CNTNAP5: variants seen among roughly 807,000 people sequenced by gnomAD.
CNTNAP5 encodes contactin associated protein family member 5, also known as contactin-associated protein-like 5.
CNTNAP5 carries 72 observed loss-of-function variants against 150.2 expected under a neutral mutation model. The observed-to-expected ratio is 0.48, with a 90% CI of 0.40 to 0.58. The LOEUF is 0.58. CNTNAP5 is among the 20% of genes least tolerant of loss of function. CNTNAP5 has a pLI of 0.00. For synonymous variants in CNTNAP5, 672 were observed against 619.8 expected (o/e 1.08, Z -1.25); for missense variants, 1,636 against 1,626.2 (o/e 1.01, Z -0.10).
intron 10 of CNTNAP5, among the ~76,000 whole-genome samples, chr2:124,534,266 A>G (rs924263087): frequency 2.0e-5 from 3 of 152,108 alleles, no homozygotes; most frequent in Non-Finnish European, 4.4e-5. Flanking sequence ...ATCTCGCGCA[A>G]TAAAAAATTT....
intron 14 of CNTNAP5, among the ~76,000 whole-genome samples, chr2:124,759,982 A>G (rs1680924923): frequency 7.2e-6 from 1 of 138,434 alleles, no homozygotes; most frequent in Non-Finnish European, 1.5e-5. Context: ...GGAAGCCTTG[A>G]GAAAGAAAGC....
rs556571236 is a variant in CNTNAP5, at chr2:124,057,448, A to ATTTTTTTTTTTTTTTTTTTT, written c.82+31720_82+31739dup. 2.6e-3 allele frequency among the ~76,000 whole-genome samples: 162 copies of ATTTTTTTTTTTTTTTTTTTT among 62,782 alleles called. 37 individuals are homozygous for ATTTTTTTTTTTTTTTTTTTT. Among genetic ancestry groups the ATTTTTTTTTTTTTTTTTTTT allele is most frequent in the African/African-American group, 0.011 (142 of 12,738 alleles). 41.2% of individuals were successfully genotyped at this position (62,782 alleles called of 152,430 possible). A position where few individuals can be genotyped will look rare whatever the true frequency, so the allele number is the denominator to read the frequency against. On this transcript the variant is annotated intron_variant, in intron 1 of 23. Coordinates refer to ENST00000682447, the MANE Select transcript of CNTNAP5 (RefSeq NM_001367498.1). ...AGGCACCCACCAGCACGGCCAGCTAATTTTTTTTTTTTTTTTTTTTTTTAG... is the reference window on the plus strand; with the variant it reads ...AGGCACCCACCAGCACGGCCAGCTAATTTTTTTTTTTTTTTTTTTTTTTTTTTTTTTTTTTTTTTTTTTAG...
intron 1 of CNTNAP5, among the ~76,000 whole-genome samples, chr2:124,179,412 G>A (rs1685155898): frequency 6.6e-6 from 1 of 152,040 alleles, no homozygotes. Context: ...TGCCCGCCTT[G>A]ACCTCTTAAA....
At chr2:124,717,940 G>A (rs947796266) in intron 13 of CNTNAP5, among the ~76,000 whole-genome samples, 2 of 152,042 alleles carry the variant, frequency 1.3e-5, no homozygotes, top group African/African-American at 2.4e-5. Context: ...TATGGGCAAG[G>A]ACACCTGAAG....
intron 1 of CNTNAP5, among the ~76,000 whole-genome samples, chr2:124,067,668 T>A (rs1682195212): frequency 6.6e-6 from 1 of 152,174 alleles, no homozygotes; most frequent in Non-Finnish European, 1.5e-5. Flanking sequence ...TTTCTGCCAA[T>A]AAGTAAGATA....
At chr2:124,893,968 G>C (rs1678253062) in intron 21 of CNTNAP5, among the ~76,000 whole-genome samples, 1 of 152,032 alleles carries the variant, frequency 6.6e-6, no homozygotes, top group African/African-American at 2.4e-5. Context: ...ATAGCAGTTA[G>C]ATATAACTCA....
At chr2:124,135,874 C>T (rs926082936) in intron 1 of CNTNAP5, among the ~76,000 whole-genome samples, 3 of 152,152 alleles carry the variant, frequency 2.0e-5, no homozygotes, top group African/African-American at 4.8e-5. Context: ...CCTTTCTGTC[C>T]TCCAAGCTAG....
rs1477390089 is a variant in CNTNAP5, at chr2:124,764,056, C to A, written c.2442C>A (p.Ala814=). 6.2e-7 allele frequency: 1 copy of A among 1,613,034 alleles called. No homozygotes were observed. Among genetic ancestry groups the A allele is most frequent in the Non-Finnish European group, 8.5e-7 (1 of 1,179,254 alleles). The change falls in exon 16 of 24, where the codon GCC becomes GCA. Residue 814 remains alanine, a synonymous_variant. Coordinates refer to ENST00000682447, the MANE Select transcript of CNTNAP5 (RefSeq NM_001367498.1). ...CTACCTTCCATGCGGAATTCAGTGC[C>A]GATATTTCCTTCTTTTTTAAAACCA... ...HFPTFHAEFS[A]DISFFFKTTA...
chr2:124,604,827 G>T (rs1025073567), intron 11 of CNTNAP5, among the ~76,000 whole-genome samples: 3 of 152,072 alleles, frequency 2.0e-5, no homozygotes, highest in African/African-American at 7.2e-5. Flanking sequence ...AACTAAGATG[G>T]TAAATCACCC....
chr2:124,746,488 C>A (rs1455520854), intron 13 of CNTNAP5, among the ~76,000 whole-genome samples: 2 of 152,148 alleles, frequency 1.3e-5, no homozygotes, highest in East Asian at 1.9e-4. Context: ...ATATTATCAG[C>A]TTTAACAGTG....
In CNTNAP5 at chr2:124,914,264, G is replaced by A. The variant is rs376202106; in HGVS notation, c.3900G>A (p.Glu1300=). 27 of 1,611,754 alleles carry A rather than the reference G, an allele frequency of 1.7e-5. No individual in the cohort carries two copies. In the African/African-American group the frequency reaches 3.1e-4, roughly 18 times the overall value. Residue 1300 remains glutamate, a synonymous_variant, in exon 24 of 24, where the codon GAG becomes GAA. Coordinates refer to ENST00000682447, the MANE Select transcript of CNTNAP5 (RefSeq NM_001367498.1). ...NEIDLQNTVS[E]CKREYFI is the part of the protein sequence containing the mutation. ...TTGACTTGCAAAACACAGTGAGCGA[G>A]TGTAAACGGGAATATTTCATCTGAG... is the stretch of plus-strand genomic sequence containing the variant.
chr2:124,264,007 A>G (rs1180838803), intron 3 of CNTNAP5, among the ~76,000 whole-genome samples: 4 of 152,064 alleles, frequency 2.6e-5, no homozygotes, highest in African/African-American at 9.7e-5. Context: ...ATTGGTCTAT[A>G]TCTCTGTTTT....
In CNTNAP5 at chr2:124,096,414, A is replaced by G. The variant is rs184895077; in HGVS notation, c.82+70682A>G. On this transcript the variant is annotated intron_variant, in intron 1 of 23. Coordinates refer to ENST00000682447, the MANE Select transcript of CNTNAP5 (RefSeq NM_001367498.1). ...TCACTCTCATGCAAAAATTTTCAAT[A>G]GCTCCTTCTTGCCAATTTAATCAAC... 2.0e-5 allele frequency among the ~76,000 whole-genome samples: 3 copies of G among 152,324 alleles called. No individual in the cohort carries two copies. In the East Asian group the frequency reaches 5.8e-4, roughly 29 times the overall value.
chr2:124,704,272 C>G (rs745689144), intron 13 of CNTNAP5, among the ~76,000 whole-genome samples: 248 of 152,186 alleles, frequency 1.6e-3, no homozygotes, highest in Non-Finnish European at 2.6e-3. Flanking sequence ...CCAGGGGGCC[C>G]GCAGAGGGGC....
intron 11 of CNTNAP5, 94 bp downstream of exon 11, chr2:124,563,417 G>A (rs889825820): frequency 4.1e-6 from 3 of 724,508 alleles, no homozygotes; most frequent in Non-Finnish European, 7.1e-6. Flanking sequence ...GGGCAGGCAT[G>A]TTTTATTCAC....
At chr2:124,752,211 AT>A (rs1161570701) in intron 14 of CNTNAP5, among the ~76,000 whole-genome samples, 2 of 152,012 alleles carry the variant, frequency 1.3e-5, no homozygotes, top group Admixed American at 1.3e-4. Context: ...GTGATTGATA[AT>A]TTTTTGTTTT....
At chr2:124,226,120 G>C (rs535362849) in intron 2 of CNTNAP5, among the ~76,000 whole-genome samples, 2 of 151,800 alleles carry the variant, frequency 1.3e-5, no homozygotes, top group South Asian at 4.2e-4. Flanking sequence ...ATTTCCTTCA[G>C]ATATATACAA....
intron 1 of CNTNAP5, among the ~76,000 whole-genome samples, chr2:124,128,274 A>G (rs1220961362): frequency 6.6e-6 from 1 of 152,214 alleles, no homozygotes; most frequent in Admixed American, 6.5e-5. Flanking sequence ...CACTACCCCA[A>G]AGAAGACATT....
chr2:124,259,723 C>T (rs1427665048), intron 3 of CNTNAP5, among the ~76,000 whole-genome samples: 1 of 152,100 alleles, frequency 6.6e-6, no homozygotes, highest in East Asian at 1.9e-4. Context: ...ACACCGATAA[C>T]AGACAAGCAG....
Sources: allele counts gnomAD v4.1 joint callset (sites outside exome capture counted in the v4.1 genomes callset), GRCh38; gene constraint gnomAD v4.1.1; transcripts MANE v1.5; gene names NCBI Gene and HGNC (gene_info 2026-07-23, HGNC 2026-07-21).